Variants in NRXN3 observed in about 807,000 individuals in gnomAD.
NRXN3 encodes the protein neurexin III.
In NRXN3, 32 loss-of-function variants were observed where a neutral mutation model predicts 137.6. That is an observed-to-expected ratio of 0.23 (90% CI 0.18 to 0.31). NRXN3 has a LOEUF of 0.31. Among genes scored for constraint, NRXN3 ranks in the 10% least tolerant of loss-of-function variants. NRXN3 has a pLI of 1.00. For missense variants in NRXN3, 1,574 were observed against 2,062.5 expected (o/e 0.76, Z 4.59); for synonymous variants, 798 against 784.5 (o/e 1.02, Z -0.29).
At chr14:78,430,155 A>T (rs4903756) in intron 4 of NRXN3, among the ~76,000 whole-genome samples, 151,896 of 152,330 alleles carry the variant, frequency 1, 75,733 homozygotes, top group Non-Finnish European at 1. Context: ...GGAAGACCAC[A>T]TGAGCCCAGG....
intron 15 of NRXN3, among the ~76,000 whole-genome samples, chr14:79,383,131 T>C (rs1293923567): frequency 6.6e-6 from 1 of 152,158 alleles, no homozygotes; most frequent in East Asian, 1.9e-4. Flanking sequence ...TAAACAACCA[T>C]TCCCAATCCT....
At chr14:79,040,874 T>C (rs969726451) in intron 15 of NRXN3, among the ~76,000 whole-genome samples, 2 of 152,158 alleles carry the variant, frequency 1.3e-5, no homozygotes, top group Admixed American at 1.3e-4. Flanking sequence ...GTGGAATTTT[T>C]CATTGCAGGC....
At chr14:78,589,790 C>A (rs1489287128) in intron 4 of NRXN3, among the ~76,000 whole-genome samples, 5 of 152,046 alleles carry the variant, frequency 3.3e-5, no homozygotes, top group Admixed American at 2.6e-4. Context: ...CTGGATTCCG[C>A]AGGAGGGAGG....
At chr14:79,037,760 C>T (rs537738622) in intron 15 of NRXN3, among the ~76,000 whole-genome samples, 1 of 152,156 alleles carries the variant, frequency 6.6e-6, no homozygotes, top group African/African-American at 2.4e-5. Flanking sequence ...TTCAGTCCGC[C>T]TGACGGGAGA....
At chr14:78,844,032 G>A (rs538876814) in intron 10 of NRXN3, among the ~76,000 whole-genome samples, 1 of 152,180 alleles carries the variant, frequency 6.6e-6, no homozygotes, top group South Asian at 2.1e-4. Flanking sequence ...CAGTTCTGGA[G>A]CCTGGAGGTC....
At chr14:78,736,120 C>T (rs1049165292) in intron 8 of NRXN3, among the ~76,000 whole-genome samples, 2 of 138,252 alleles carry the variant, frequency 1.4e-5, no homozygotes, top group African/African-American at 5.0e-5. Flanking sequence ...ATTTACTACA[C>T]ACATACACAT....
intron 15 of NRXN3, among the ~76,000 whole-genome samples, chr14:79,018,040 A>G (rs150844553): frequency 6.6e-6 from 1 of 151,856 alleles, no homozygotes; most frequent in Admixed American, 6.6e-5. Flanking sequence ...CGGGAGGATC[A>G]CCTGAGGTCA....
intron 15 of NRXN3, among the ~76,000 whole-genome samples, chr14:79,228,356 T>TAAAA (rs5809930): frequency 6.6e-6 from 1 of 151,530 alleles, no homozygotes. Flanking sequence ...TTTCAAAATC[T>TAAAA]AAAAAAAAAT....
intron 15 of NRXN3, among the ~76,000 whole-genome samples, chr14:79,380,665 C>T (rs1381395564): frequency 2.0e-5 from 3 of 152,076 alleles, no homozygotes; most frequent in Non-Finnish European, 4.4e-5. Flanking sequence ...CATACGTGTG[C>T]ATGTGTCTTT....
At chr14:79,484,022 T>C (rs1287473912) in intron 16 of NRXN3, among the ~76,000 whole-genome samples, 1 of 152,120 alleles carries the variant, frequency 6.6e-6, no homozygotes, top group African/African-American at 2.4e-5. Flanking sequence ...AGTTCAAGGT[T>C]CGATTTCCTC....
intron 15 of NRXN3, among the ~76,000 whole-genome samples, chr14:79,291,993 A>G (rs771481232): frequency 3.9e-5 from 6 of 152,122 alleles, no homozygotes; most frequent in Non-Finnish European, 8.8e-5. Flanking sequence ...CAAGGTAGGC[A>G]CTATTGTTAT....
At position 79,644,347 on chromosome 14, in the gene NRXN3, C is replaced by A. The variant is rs79384939; in HGVS notation, c.3445-19431C>A. Among the ~76,000 whole-genome samples the A allele has an allele frequency of 5.6e-3, 764 of 135,616 alleles. 54 individuals are homozygous for A. The highest frequency in any genetic ancestry group is 0.018 in the African/African-American group (729 of 40,810). 89.0% of individuals were successfully genotyped at this position (135,616 alleles called of 152,430 possible). On this transcript the variant is annotated intron_variant, in intron 16 of 20. Coordinates refer to ENST00000335750, the MANE Select transcript of NRXN3 (RefSeq NM_001330195.2). ...AATTACCTGTTTCAGAGCTTGAAAG[C>A]CAGATCTGTCCATGGAAATCTCCTG...
At chr14:78,321,741 C>T (rs148212275) in intron 4 of NRXN3, among the ~76,000 whole-genome samples, 5 of 152,054 alleles carry the variant, frequency 3.3e-5, no homozygotes, top group Admixed American at 6.5e-5. Context: ...GTCCCTAAAC[C>T]GAGTCAAAAG....
intron 15 of NRXN3, among the ~76,000 whole-genome samples, chr14:79,192,220 C>G (rs1018021656): frequency 1.3e-5 from 2 of 152,168 alleles, no homozygotes; most frequent in Non-Finnish European, 2.9e-5. Flanking sequence ...CTCCAGGTTA[C>G]TGATCATCTC....
At chr14:78,189,471 C>T (rs2060518308) in intron 1 of NRXN3, among the ~76,000 whole-genome samples, 1 of 152,196 alleles carries the variant, frequency 6.6e-6, no homozygotes, top group Non-Finnish European at 1.5e-5. Flanking sequence ...CCTTCTGCCT[C>T]CTCTTCCATT....
At chr14:79,306,115 G>A (rs898988709) in intron 15 of NRXN3, among the ~76,000 whole-genome samples, 1 of 152,052 alleles carries the variant, frequency 6.6e-6, no homozygotes, top group Admixed American at 6.6e-5. Flanking sequence ...GGGGACATTT[G>A]CAGTGCTGCA....
At chr14:79,394,732 A>G (rs749321709) in intron 15 of NRXN3, among the ~76,000 whole-genome samples, 4 of 152,200 alleles carry the variant, frequency 2.6e-5, no homozygotes, top group Admixed American at 6.5e-5. Context: ...CAATACCAGT[A>G]TTTTTAAAAG....
intron 19 of NRXN3, among the ~76,000 whole-genome samples, chr14:79,791,674 C>G (rs974253605): frequency 6.6e-6 from 1 of 151,890 alleles, no homozygotes; most frequent in Non-Finnish European, 1.5e-5. Flanking sequence ...TGGGCACAAG[C>G]TGATTGCTGC....
rs544789950 is a variant in NRXN3 at position 79,694,248 on chromosome 14, G to A, written c.3706+1986G>A. ...TATCTCAGATTTCCCATCTGAGGAC[G>A]GGCAAAATAATACTGCCTATTCCCC... On this transcript the variant is annotated intron_variant, in intron 18 of 20. Coordinates refer to ENST00000335750, the MANE Select transcript of NRXN3 (RefSeq NM_001330195.2). Among the ~76,000 whole-genome samples, 48 of 151,872 alleles carry A rather than the reference G, an allele frequency of 3.2e-4. 1 individual carries two copies. The South Asian group carries it at 9.3e-3, about 30-fold the overall frequency.
Sources: gnomAD v4.1 joint callset for allele counts (sites outside exome capture counted in the v4.1 genomes callset) on GRCh38, gnomAD v4.1.1 for gene constraint, MANE v1.5 for transcripts, NCBI Gene and HGNC (gene_info 2026-07-23, HGNC 2026-07-21) for gene names.